FBXO9: variants seen among roughly 807,000 people sequenced by gnomAD.
FBXO9 encodes F-box only protein 9.
Under a neutral mutation model 63.7 loss-of-function variants are expected in FBXO9, and 43 were observed. That is an observed-to-expected ratio of 0.67 (90% confidence interval 0.53 to 0.87). The LOEUF (loss-of-function observed/expected upper bound fraction) is 0.87, where lower values mean the gene tolerates loss of function less well. FBXO9 is among the 40% of genes least tolerant of loss of function. The pLI is 0.00. For synonymous variants in FBXO9, 156 were observed against 171.7 expected (o/e 0.91, Z 0.72); for missense variants, 442 against 533.2 (o/e 0.83, Z 1.68).
intron 5 of FBXO9, among the ~76,000 whole-genome samples, chr6:53,080,334 A>G (rs12527990): frequency 0.071 from 10,696 of 151,084 alleles, 452 homozygotes; most frequent in Middle Eastern, 0.14. Context: ...TTAAGTCTAC[A>G]TCACTTGAAA....
chr6:53,073,658 G>A lies in FBXO9; in HGVS notation c.249+19G>A, dbSNP rs943150487. Reference sequence around the variant, plus strand: ...AGAAAAGTTAAGTATTATAGATATTGTAACAAATTACATTTTTTTTTTTTT... The same window carrying A: ...AGAAAAGTTAAGTATTATAGATATTATAACAAATTACATTTTTTTTTTTTT... On this transcript the variant is annotated intron_variant, in intron 3 of 12. Transcript: ENST00000323557. The A allele has an allele frequency of 1.4e-6, 2 of 1,455,518 alleles. No homozygotes were observed. The highest frequency in any genetic ancestry group is 5.3e-5 in the Admixed American group (2 of 37,404). 90.2% of individuals were successfully genotyped at this position (1,455,518 alleles called of 1,614,324 possible).
chr6:53,085,637 A>G (rs1393965158), intron 7 of FBXO9, among the ~76,000 whole-genome samples: 1 of 151,716 alleles, frequency 6.6e-6, no homozygotes, highest in South Asian at 2.1e-4. Context: ...TATTTGACAT[A>G]ATAGAAATTT....
intron 1 of FBXO9, chr6:53,066,058 C>G (rs993391936): frequency 8.2e-7 from 1 of 1,221,184 alleles, no homozygotes; most frequent in Non-Finnish European, 1.0e-6. Context: ...GCAGGACAGC[C>G]GGGGAAAATG....
Position 53,075,854 on chromosome 6 carries a change from C to T in FBXO9, c.250-632C>T, listed in dbSNP as rs368803781. The stretch of plus-strand genomic sequence containing the variant: ...TGCCTCCCAGGTTCAACTGATTCTC[C>T]TGCCTCAGCCTCCAGAGTAGCTGAG... On this transcript the variant is annotated intron_variant, in intron 3 of 12. Coordinates refer to ENST00000323557, the MANE Select transcript of FBXO9 (RefSeq NM_033480.3). Among the ~76,000 whole-genome samples the T allele has an allele frequency of 1.6e-3, 242 of 148,176 alleles. 1 individual carries two copies. The highest frequency in any genetic ancestry group is 0.01 in the Middle Eastern group (3 of 288).
At chr6:53,070,963 T>C in intron 1 of FBXO9, 94 bp from the exon 2 acceptor site, 1 of 1,538,914 alleles carries the variant, frequency 6.5e-7, no homozygotes, top group South Asian at 1.2e-5. Context: ...GACAGTATGG[T>C]ACTAAATAGA....
rs755557077 is a variant in FBXO9 at position 53,095,559 on chromosome 6, A to G, written c.1100A>G (p.Gln367Arg). The G allele has an allele frequency of 1.2e-6, 2 of 1,613,598 alleles. No homozygotes were observed. Among genetic ancestry groups the G allele is most frequent in the Non-Finnish European group, 1.7e-6 (2 of 1,179,722 alleles). Residue 367 changes from glutamine to arginine, a missense_variant, in exon 12 of 13, where the codon CAA becomes CGA. Physicochemically the swap from Gln to Arg is conservative, Grantham distance 43 (BLOSUM62 1). This residue lies in a region of FBXO9 where 262 missense variants were observed against 362.1 expected (regional missense o/e 0.72). Transcript: ENST00000323557. ...AGATATTTTCGTCGTGTCCCTGTAC[A>G]AGAAGCAGATCAGAGTTTTCATGTG... ...KYRYFRRVPV[Q>R]EADQSFHVGL...
intron 1 of FBXO9, chr6:53,066,017 C>T: frequency 8.2e-7 from 1 of 1,217,988 alleles, no homozygotes; most frequent in Non-Finnish European, 1.0e-6. Flanking sequence ...CTCCCCAACC[C>T]CCGCCGAGCT....
intron 11 of FBXO9, 74 bp from the exon 12 acceptor site, chr6:53,095,439 T>C: frequency 7.5e-7 from 1 of 1,339,480 alleles, no homozygotes; most frequent in Non-Finnish European, 1.0e-6. Context: ...TTAGTGTCAC[T>C]GTTGCATACT....
chr6:53,071,244 C>A, intron 2 of FBXO9, 101 bp downstream of exon 2: 1 of 1,148,158 alleles, frequency 8.7e-7, no homozygotes, highest in Non-Finnish European at 1.2e-6. Flanking sequence ...TTACTGTTTG[C>A]ATGGAATTTA....
Position 53,065,807 on chromosome 6 carries a change from G to A in FBXO9, c.3+15G>A, listed in dbSNP as rs1486806139. 4.4e-6 allele frequency: 6 copies of A among 1,353,152 alleles called. No homozygotes were observed. In the South Asian group the frequency reaches 8.5e-5, roughly 19 times the overall value. The allele number at this position is 1,353,152 out of a possible 1,614,324, so 83.8% of individuals were successfully genotyped here. ...CCGCCAGCATGGTAACCTGGCCAGGGGGCTCGAGGGTGGACGCCGCGGGGC... is the reference window on the plus strand; with the variant it reads ...CCGCCAGCATGGTAACCTGGCCAGGAGGCTCGAGGGTGGACGCCGCGGGGC... On this transcript the variant is annotated intron_variant, in intron 1 of 12. Coordinates refer to ENST00000323557, the MANE Select transcript of FBXO9 (RefSeq NM_033480.3).
At chr6:53,089,202 G>A (rs1762978868) in intron 7 of FBXO9, among the ~76,000 whole-genome samples, 1 of 151,986 alleles carries the variant, frequency 6.6e-6, no homozygotes, top group Non-Finnish European at 1.5e-5. Flanking sequence ...AGCCTCCCCA[G>A]TAGCTGGGAC....
intron 1 of FBXO9, chr6:53,066,103 C>G (rs959366163): frequency 6.8e-6 from 8 of 1,177,022 alleles, no homozygotes; most frequent in Non-Finnish European, 7.3e-6. Flanking sequence ...TTGAACCAGT[C>G]TCGGTCCTCT....
chr6:53,065,810 C>A lies in FBXO9; in HGVS notation c.3+18C>A. 7.4e-7 allele frequency: 1 copy of A among 1,346,742 alleles called. No individual in the cohort carries two copies. The highest frequency in any genetic ancestry group is 9.5e-7 in the Non-Finnish European group (1 of 1,048,098). The allele number at this position is 1,346,742 out of a possible 1,614,324, so 83.4% of individuals were successfully genotyped here. A position where few individuals can be genotyped will look rare whatever the true frequency, so the allele number is the denominator to read the frequency against. On this transcript the variant is annotated intron_variant, in intron 1 of 12. Transcript: ENST00000323557. ...CCAGCATGGTAACCTGGCCAGGGGG[C>A]TCGAGGGTGGACGCCGCGGGGCGGG...
In FBXO9 at chr6:53,093,992, G is replaced by A; in HGVS notation, c.1053+14G>A. On this transcript the variant is annotated intron_variant, in intron 11 of 12. Coordinates refer to ENST00000323557, the MANE Select transcript of FBXO9 (RefSeq NM_033480.3). ...AAAAAAGAAGAAGTGAGTATACGAG[G>A]TGTAATTAATAGTTTTCTTATCTTA... The A allele has an allele frequency of 1.3e-6, 2 of 1,500,236 alleles. No homozygotes were observed. The highest frequency in any genetic ancestry group is 1.8e-6 in the Non-Finnish European group (2 of 1,108,848). 92.9% of individuals were successfully genotyped at this position (1,500,236 alleles called of 1,614,324 possible).
At chr6:53,072,248 CAT>C (rs1237311396) in intron 2 of FBXO9, among the ~76,000 whole-genome samples, 4 of 151,068 alleles carry the variant, frequency 2.6e-5, no homozygotes, top group Admixed American at 6.6e-5. Flanking sequence ...CCAGGAATAA[CAT>C]ATGCATCCCT....
intron 2 of FBXO9, among the ~76,000 whole-genome samples, chr6:53,072,723 A>AT (rs1342124286): frequency 5.5e-3 from 803 of 145,254 alleles, no homozygotes; most frequent in South Asian, 0.019. Flanking sequence ...TGTGCTTTTA[A>AT]TTTTTTTTTT....
At chr6:53,065,960 G>A (rs1768681170) in intron 1 of FBXO9, 168 bp downstream of exon 1, 2 of 1,135,146 alleles carry the variant, frequency 1.8e-6, no homozygotes, top group Admixed American at 4.3e-5. Flanking sequence ...GTCGGGGGGC[G>A]GGGGGTGCCA....
In FBXO9 at chr6:53,070,310, G is replaced by A. The variant is rs578009236; in HGVS notation, c.4-747G>A. Among the ~76,000 whole-genome samples the A allele has an allele frequency of 9.2e-5, 14 of 151,856 alleles. No individual in the cohort carries two copies. The East Asian group carries it at 1.2e-3, about 13-fold the overall frequency. ...GTGGGGATTACAGGTGTGAGCCACC[G>A]CACCTGGCCAGAAAAAGAGAAAATA... On this transcript the variant is annotated intron_variant, in intron 1 of 12. Coordinates refer to ENST00000323557, the MANE Select transcript of FBXO9 (RefSeq NM_033480.3).
intron 1 of FBXO9, among the ~76,000 whole-genome samples, chr6:53,067,315 T>C (rs1421962520): frequency 1.3e-5 from 2 of 152,222 alleles, no homozygotes; most frequent in Non-Finnish European, 2.9e-5. Context: ...TTTGACCTTA[T>C]GGTTACAGAG....
Sources: allele counts gnomAD v4.1 joint callset (sites outside exome capture counted in the v4.1 genomes callset), GRCh38; gene constraint gnomAD v4.1.1; regional missense constraint gnomAD v4.1.1; transcripts MANE v1.5; gene names NCBI Gene and HGNC (gene_info 2026-07-23, HGNC 2026-07-21).